The following DHX8 variants were observed in gnomAD, a reference collection of about 807,000 sequenced individuals.
DHX8 encodes ATP-dependent RNA helicase DHX8.
DHX8 carries 67 observed loss-of-function variants against 140.7 expected under a neutral mutation model. The observed-to-expected ratio is 0.48, with a 90% confidence interval of 0.39 to 0.58. The LOEUF (loss-of-function observed/expected upper bound fraction) is 0.58. DHX8 is among the 20% of genes least tolerant of loss of function. The pLI, the probability that DHX8 is intolerant of heterozygous loss-of-function variation, is 0.00. For synonymous variants in DHX8, 533 were observed against 553.2 expected (o/e 0.96, Z 0.51); for missense variants, 887 against 1,550.7 (o/e 0.57, Z 7.19).
downstream of DHX8, among the ~76,000 whole-genome samples, chr17:43,530,635 T>A (rs11652592): frequency 0.34 from 51,259 of 149,760 alleles, 10,811 homozygotes; most frequent in Non-Finnish European, 0.47. Flanking sequence ...TGTGTGTGTG[T>A]GACAGAAACA....
chr17:43,524,040 G>T lies in DHX8; in HGVS notation c.*193G>T. On this transcript the variant is annotated 3_prime_UTR_variant, in exon 23 of 23. Coordinates refer to ENST00000262415, the MANE Select transcript of DHX8 (RefSeq NM_004941.3). ...TTAAACCTGGCTTTGGCAAGAGCCT[G>T]CAGCCTCCATCACCCCAAGTCCTTG... 7.0e-7 allele frequency: 1 copy of T among 1,422,152 alleles called. No homozygotes were observed. The allele number at this position is 1,422,152 out of a possible 1,614,324, so 88.1% of individuals were successfully genotyped here. A position where few individuals can be genotyped will look rare whatever the true frequency, so the allele number is the denominator to read the frequency against.
At position 43,537,406 on chromosome 17, in the gene DHX8, G is replaced by C. The variant is rs115696102; in HGVS notation, c.*20+908G>C. ...TTAAATAATAAATAAAATCACATAGGGGGGTGGCTGGGCGCAGTGGTTCAT... is the reference window on the plus strand; with the variant it reads ...TTAAATAATAAATAAAATCACATAGCGGGGTGGCTGGGCGCAGTGGTTCAT... On this transcript the variant is annotated intron_variant, in intron 3 of 3. Transcript: ENST00000589898. 2.7e-3 allele frequency among the ~76,000 whole-genome samples: 407 copies of C among 151,862 alleles called. 2 individuals carry two copies. The highest frequency in any genetic ancestry group is 9.1e-3 in the African/African-American group (375 of 41,404).
chr17:43,497,054 C>T (rs890914461), intron 9 of DHX8, among the ~76,000 whole-genome samples: 1 of 152,150 alleles, frequency 6.6e-6, no homozygotes, highest in Admixed American at 6.5e-5. Flanking sequence ...TCTGAAGCCC[C>T]TACATGCTCC....
At chr17:43,533,221 G>T (rs1567709889) in intron 2 of DHX8, 1 of 1,614,038 alleles carries the variant, frequency 6.2e-7, no homozygotes. Flanking sequence ...CCAGGGTGGG[G>T]CTGGGAGGTG....
intron 22 of DHX8, among the ~76,000 whole-genome samples, chr17:43,522,767 A>C (rs1970441677): frequency 6.7e-6 from 1 of 148,720 alleles, no homozygotes; most frequent in Non-Finnish European, 1.5e-5. Flanking sequence ...AAAAAAAAAA[A>C]ACCAACTACC....
At position 43,493,059 on chromosome 17, in the gene DHX8, T is replaced by G. The variant is rs2279191; in HGVS notation, c.863+19T>G. 2 of 1,603,566 alleles carry G rather than the reference T, an allele frequency of 1.2e-6. No individual in the cohort carries two copies. The highest frequency in any genetic ancestry group is 2.7e-5 in the African/African-American group (2 of 74,696). On this transcript the variant is annotated intron_variant, in intron 6 of 22. Coordinates refer to ENST00000262415, the MANE Select transcript of DHX8 (RefSeq NM_004941.3). ...GACTAAGGTAATGACTGGTGCTCTT[T>G]TGTTCACACCAGTGATGGGCAGAAT...
intron 9 of DHX8, 60 bp from the exon 10 acceptor site, chr17:43,498,802 T>C: frequency 7.4e-7 from 1 of 1,354,944 alleles, no homozygotes; most frequent in South Asian, 1.3e-5. Flanking sequence ...TTAATTGTCT[T>C]GGTGAAAATT....
In DHX8 at chr17:43,517,193, A is replaced by G. The variant is rs1490203175; in HGVS notation, c.2670A>G (p.Arg890=). The G allele has an allele frequency of 9.9e-6, 16 of 1,613,848 alleles. No homozygotes were observed. The highest frequency in any genetic ancestry group is 4.0e-5 in the African/African-American group (3 of 74,922). The change falls in exon 18 of 23, where the codon AGA becomes AGG. Residue 890 remains arginine (R), a synonymous_variant. Transcript: ENST00000262415. ...CTCAGGCAAAGCAACGAGCTGGCAGAGCTGGGAGAACAGGCCCAGGGAAGT... is the reference window on the plus strand; with the variant it reads ...CTCAGGCAAAGCAACGAGCTGGCAGGGCTGGGAGAACAGGCCCAGGGAAGT... ...SQAQAKQRAG[R]AGRTGPGKCY...
chr17:43,493,415 A>G (rs1348251583), intron 6 of DHX8, 30 bp from the exon 7 acceptor site: 2 of 1,599,418 alleles, frequency 1.3e-6, no homozygotes, highest in Admixed American at 1.7e-5. Context: ...ATTTTTTGGC[A>G]TGTTCCAGAT....
chr17:43,539,997 C>A (rs1000198090), intron 3 of DHX8, among the ~76,000 whole-genome samples: 5 of 152,330 alleles, frequency 3.3e-5, no homozygotes, highest in African/African-American at 1.2e-4. Context: ...CATAATAATA[C>A]TTTGGTCTGA....
downstream of DHX8, among the ~76,000 whole-genome samples, chr17:43,527,604 G>A (rs979266855): frequency 6.6e-6 from 1 of 152,374 alleles, no homozygotes; most frequent in East Asian, 1.9e-4. Flanking sequence ...AGGTTATCAA[G>A]TACCCCCTGT....
At chr17:43,536,016 C>A (rs915336983) in intron 2 of DHX8, among the ~76,000 whole-genome samples, 1 of 152,192 alleles carries the variant, frequency 6.6e-6, no homozygotes, top group African/African-American at 2.4e-5. Flanking sequence ...GAAGCTGAGG[C>A]AGGAGAATGG....
intron 17 of DHX8, among the ~76,000 whole-genome samples, chr17:43,516,317 T>G (rs1970111806): frequency 6.6e-6 from 1 of 152,210 alleles, no homozygotes; most frequent in African/African-American, 2.4e-5. Flanking sequence ...CATTTCCTTC[T>G]AGTAGTTGAT....
intron 1 of DHX8, 34 bp from the exon 2 acceptor site, chr17:43,489,415 C>G: frequency 6.9e-7 from 1 of 1,443,928 alleles, no homozygotes; most frequent in Non-Finnish European, 9.7e-7. Context: ...TTGTTCATGT[C>G]TCTTCTTTTC....
At chr17:43,510,111 C>T (rs1463459978) in intron 16 of DHX8, among the ~76,000 whole-genome samples, 4 of 151,940 alleles carry the variant, frequency 2.6e-5, no homozygotes, top group African/African-American at 7.3e-5. Flanking sequence ...TGCAATGGTG[C>T]GATCTTGGCT....
At chr17:43,512,408 A>G (rs1969894052) in intron 16 of DHX8, among the ~76,000 whole-genome samples, 3 of 149,358 alleles carry the variant, frequency 2.0e-5, no homozygotes, top group Admixed American at 6.7e-5. Context: ...AAAAAGGCAG[A>G]TGGACTTGAG....
At chr17:43,486,966 T>A (rs1427845566) in intron 1 of DHX8, among the ~76,000 whole-genome samples, 1 of 152,024 alleles carries the variant, frequency 6.6e-6, no homozygotes, top group Non-Finnish European at 1.5e-5. Context: ...ATGACATGCC[T>A]AGCACCATGG....
In DHX8 at chr17:43,523,851, G is replaced by C; in HGVS notation, c.*4G>C. 6.2e-7 allele frequency: 1 copy of C among 1,614,052 alleles called. No homozygotes were observed. Among genetic ancestry groups the C allele is most frequent in the Non-Finnish European group, 8.5e-7 (1 of 1,179,952 alleles). ...TCGAGCTTTCCGACGGCGCTGAAAG[G>C]CAAGATTGTTCCTTTGCCTCTCCAG... On this transcript the variant is annotated 3_prime_UTR_variant, in exon 23 of 23. Coordinates refer to ENST00000262415, the MANE Select transcript of DHX8 (RefSeq NM_004941.3).
At chr17:43,487,517 C>A (rs1474996352) in intron 1 of DHX8, among the ~76,000 whole-genome samples, 1 of 152,192 alleles carries the variant, frequency 6.6e-6, no homozygotes, top group Non-Finnish European at 1.5e-5. Context: ...CCACCCCCGG[C>A]TGATTTTTGT....
Sources: allele counts gnomAD v4.1 joint callset (sites outside exome capture counted in the v4.1 genomes callset), GRCh38; gene constraint gnomAD v4.1.1; transcripts MANE v1.5; gene names NCBI Gene and HGNC (gene_info 2026-07-23, HGNC 2026-07-21).